DMKN: variants seen among roughly 807,000 people sequenced by gnomAD.
The protein encoded by DMKN is epidermis-specific secreted protein SK30/SK89.
A neutral mutation model predicts 67.6 loss-of-function variants in DMKN; 58 were observed. The ratio of observed to expected loss-of-function variants is 0.86; its 90% CI spans 0.69 to 1.07. DMKN has a LOEUF of 1.07. DMKN is among the 50% of genes least tolerant of loss of function. The probability of loss-of-function intolerance (pLI) is 0.00; values close to 1 mark genes in which losing one functional copy is unlikely to be tolerated. For missense variants in DMKN, 596 were observed against 601.5 expected, an observed-to-expected ratio of 0.99 and a Z score of 0.10; for synonymous variants, 240 against 232.3, an observed-to-expected ratio of 1.03 and a Z score of -0.30.
intron 9 of DMKN, among the ~76,000 whole-genome samples, chr19:35,503,903 C>A (rs1235688834): frequency 6.6e-6 from 1 of 152,030 alleles, no homozygotes; most frequent in African/African-American, 2.4e-5. Flanking sequence ...GCTATCCAAA[C>A]AAACCCAGAT....
Position 35,512,408 on chromosome 19 carries a change from C to G in DMKN, c.684+13G>C. 1 of 1,613,874 alleles carries G rather than the reference C, an allele frequency of 6.2e-7. No individual in the cohort carries two copies. The highest frequency in any genetic ancestry group is 8.5e-7 in the Non-Finnish European group (1 of 1,179,880). ...AGTGGCTTCTTCATTTGTTCCCAGC[C>G]CCTTCCTCTTACCCCTTCATTCTGG... On this transcript the variant is annotated intron_variant, in intron 3 of 15. Transcript: ENST00000339686.
At chr19:35,508,131 T>G in intron 7 of DMKN, 1 of 1,536,092 alleles carries the variant, frequency 6.5e-7, no homozygotes, top group Non-Finnish European at 8.8e-7. Flanking sequence ...CTGCCAGTAT[T>G]GCTCCTGGAG....
At position 35,498,763 on chromosome 19, in the gene DMKN, C is replaced by G; in HGVS notation, c.1384G>C (p.Ala462Pro). 6.2e-7 allele frequency: 1 copy of G among 1,614,198 alleles called. No homozygotes were observed. Among genetic ancestry groups the G allele is most frequent in the Non-Finnish European group, 8.5e-7 (1 of 1,180,030 alleles). ...AGCAGGCCAGGTTGCACCCGGGAAG[C>G]CTGCCAGAAAAAGAGAAAGTCTGAG... is the stretch of plus-strand genomic sequence containing the variant. ...AKGGVSPSSS[A>P]SRVQPGLLQW... The change falls in exon 15 of 16, where the codon GCT becomes CCT. Residue 462 changes from alanine to proline, a missense_variant and splice_region_variant. Coordinates refer to ENST00000339686, the MANE Select transcript of DMKN (RefSeq NM_033317.5).
At chr19:35,504,146 G>GC (rs1189910734) in intron 9 of DMKN, among the ~76,000 whole-genome samples, 2 of 152,040 alleles carry the variant, frequency 1.3e-5, no homozygotes, top group Non-Finnish European at 2.9e-5. Context: ...CTCGACTGCC[G>GC]CCCTAGATGG....
chr19:35,510,089 C>G, intron 6 of DMKN, 95 bp downstream of exon 6: 1 of 1,566,118 alleles, frequency 6.4e-7, no homozygotes, highest in Non-Finnish European at 8.7e-7. Flanking sequence ...CCAGCCCCAT[C>G]TCCGCGGAGC....
At chr19:35,506,137 C>G in intron 7 of DMKN, 151 bp from the exon 8 acceptor site, 2 of 1,571,240 alleles carry the variant, frequency 1.3e-6, no homozygotes, top group Admixed American at 1.9e-5. Flanking sequence ...ACAGTATTGA[C>G]TCCACCAACA....
intron 9 of DMKN, among the ~76,000 whole-genome samples, chr19:35,503,744 A>C (rs530837375): frequency 6.6e-6 from 1 of 152,090 alleles, no homozygotes; most frequent in East Asian, 1.9e-4. Flanking sequence ...CCAAAGTGCT[A>C]GGATTACAGG....
chr19:35,502,722 G>C, intron 10 of DMKN, 108 bp downstream of exon 10: 2 of 1,106,378 alleles, frequency 1.8e-6, no homozygotes, highest in East Asian at 2.4e-5. Flanking sequence ...AAAAGGGGGG[G>C]AGTTTTGAAA....
In DMKN at chr19:35,503,154, A is replaced by T. The variant is rs1041486220; in HGVS notation, c.1135-268T>A. 1.1e-5 allele frequency: 14 copies of T among 1,233,674 alleles called. No homozygotes were observed. The African/African-American group carries it at 2.1e-4, about 19-fold the overall frequency. The allele number at this position is 1,233,674 out of a possible 1,614,324, so 76.4% of individuals were successfully genotyped here. The stretch of plus-strand genomic sequence containing the variant: ...CTCCAGCAGAACCTAATTCTAGCAA[A>T]ACCTCAAGACTAGGACCTGCCTCAG... On this transcript the variant is annotated intron_variant, in intron 9 of 15. Transcript: ENST00000339686.
chr19:35,499,903 C>T, intron 13 of DMKN, 55 bp downstream of exon 13: 1 of 1,593,698 alleles, frequency 6.3e-7, no homozygotes, highest in Non-Finnish European at 8.6e-7. Flanking sequence ...AAGCCTCTCT[C>T]CCCATCCCTC....
chr19:35,502,774 G>GGGGAGAGTC (rs1207497329), intron 10 of DMKN, 56 bp downstream of exon 10: 5 of 1,592,614 alleles, frequency 3.1e-6, no homozygotes, highest in Non-Finnish European at 1.7e-6. Flanking sequence ...AGGGAGGCTT[G>GGGGAGAGTC]GGGAGAGTCA....
chr19:35,508,307 G>A (rs1465064799), intron 7 of DMKN: 8 of 1,519,510 alleles, frequency 5.3e-6, no homozygotes, highest in Non-Finnish European at 7.1e-6. Flanking sequence ...GAAAATTAAT[G>A]TATTGATTTA....
chr19:35,498,754 C>G lies in DMKN; in HGVS notation c.1393G>C (p.Val465Leu). The part of the protein sequence containing the change: ...GVSPSSSASR[V>L]QPGLLQWVKF... ...ACCCACTGCAGCAGGCCAGGTTGCACCCGGGAAGCCTGCCAGAAAAAGAGA... is the reference window on the plus strand; with the variant it reads ...ACCCACTGCAGCAGGCCAGGTTGCAGCCGGGAAGCCTGCCAGAAAAAGAGA... Residue 465 changes from valine to leucine, a missense_variant, in exon 15 of 16, where the codon GTG (valine) becomes CTG (leucine). Transcript: ENST00000339686. 1 of 1,614,140 alleles carries G rather than the reference C, an allele frequency of 6.2e-7. No homozygotes were observed. Among genetic ancestry groups the G allele is most frequent in the South Asian group, 1.1e-5 (1 of 91,076 alleles).
chr19:35,511,254 G>T (rs2070702391), intron 5 of DMKN, among the ~76,000 whole-genome samples, 157 bp downstream of exon 5: 1 of 152,152 alleles, frequency 6.6e-6, no homozygotes, highest in African/African-American at 2.4e-5. Flanking sequence ...AGCATGGGTG[G>T]GGAACAGGAG....
intron 7 of DMKN, chr19:35,507,012 T>G: frequency 5.7e-6 from 1 of 175,562 alleles, no homozygotes; most frequent in South Asian, 1.3e-4. Context: ...CTTCCTACGT[T>G]GCTCAGGCTG....
chr19:35,498,892 T>TC lies in DMKN; in HGVS notation c.1364dup (p.Val456SerfsTer61), dbSNP rs758253239. The TC allele has an allele frequency of 1.8e-5, 29 of 1,613,930 alleles. No homozygotes were observed. The highest frequency in any genetic ancestry group is 2.3e-5 in the Non-Finnish European group (27 of 1,179,984). On this transcript the variant is annotated frameshift_variant, in exon 14 of 16. Transcript: ENST00000339686. LOFTEE classifies it high-confidence loss of function. ...TACTCACCGAGGAAGAAGGTGAGAC[T>TC]CCCCCCTGCAAAAAGATCAAAGGAA...
chr19:35,506,400 C>T, intron 7 of DMKN: 1 of 638,504 alleles, frequency 1.6e-6, no homozygotes, highest in South Asian at 1.7e-5. Context: ...CCACCCAGTC[C>T]CCTGAATCTC....
chr19:35,502,020 C>T (rs1341545455), intron 11 of DMKN, 116 bp downstream of exon 11: 1 of 1,589,084 alleles, frequency 6.3e-7, no homozygotes, highest in Non-Finnish European at 8.6e-7. Flanking sequence ...CGGGATTGCA[C>T]AAAGCCTGGG....
At chr19:35,498,925 T>G in intron 13 of DMKN, 28 bp from the exon 14 acceptor site, 1 of 1,614,136 alleles carries the variant, frequency 6.2e-7, no homozygotes, top group South Asian at 1.1e-5. Flanking sequence ...GAAAGTGATG[T>G]GGGGTCATGG....
Sources: gnomAD v4.1 joint callset for allele counts (sites outside exome capture counted in the v4.1 genomes callset) on GRCh38, gnomAD v4.1.1 for gene constraint, MANE v1.5 for transcripts, NCBI Gene and HGNC (gene_info 2026-07-23, HGNC 2026-07-21) for gene names.